SLIT3: variants seen among roughly 807,000 people sequenced by gnomAD.
SLIT3 encodes the protein slit homolog 3 protein.
A neutral mutation model predicts 184.0 loss-of-function variants in SLIT3; 68 were observed. The ratio of observed to expected loss-of-function variants is 0.37; its 90% CI spans 0.30 to 0.45. The LOEUF (loss-of-function observed/expected upper bound fraction) is 0.45, where lower values mean the gene tolerates loss of function less well. SLIT3 is among the 20% of genes least tolerant of loss of function. SLIT3 has a pLI of 1.00. For synonymous variants in SLIT3, 831 were observed against 828.6 expected (o/e 1.00, Z -0.05); for missense variants, 1,707 against 2,026.0 (o/e 0.84, Z 3.02).
rs187386619 is a variant in SLIT3, at chr5:169,212,551, C to T, written c.342-19001G>A. Among the ~76,000 whole-genome samples, 992 of 152,144 alleles carry T rather than the reference C, an allele frequency of 6.5e-3. 5 individuals are homozygous for T. Among genetic ancestry groups the T allele is most frequent in the Middle Eastern group, 0.034 (10 of 294 alleles). On this transcript the variant is annotated intron_variant, in intron 3 of 35. Transcript: ENST00000519560. The stretch of plus-strand genomic sequence containing the variant: ...CAGATGGATATATTGCAAAAATTTT[C>T]TCCCATTCTGTAGGTTGCCTGTTCA...
intron 4 of SLIT3, among the ~76,000 whole-genome samples, chr5:169,091,245 C>T (rs553622736): frequency 6.7e-4 from 102 of 152,222 alleles, no homozygotes; most frequent in African/African-American, 2.4e-3. Context: ...GCAGACTCTA[C>T]ACGGCATATC....
At chr5:168,967,719 C>T (rs1045599479) in intron 4 of SLIT3, among the ~76,000 whole-genome samples, 11 of 152,064 alleles carry the variant, frequency 7.2e-5, no homozygotes, top group Non-Finnish European at 1.3e-4. Context: ...GGATTACAGG[C>T]GTGAGCCACC....
At chr5:168,780,558 T>G (rs1755933715) in intron 12 of SLIT3, among the ~76,000 whole-genome samples, 1 of 152,232 alleles carries the variant, frequency 6.6e-6, no homozygotes, top group Non-Finnish European at 1.5e-5. Flanking sequence ...CTTTGTTATT[T>G]AAAAAAGTGC....
chr5:169,140,411 C>T (rs777583803), intron 4 of SLIT3, among the ~76,000 whole-genome samples: 22 of 121,264 alleles, frequency 1.8e-4, no homozygotes, highest in African/African-American at 4.1e-4. Context: ...ACCTGGGAGG[C>T]GGAGGTTGCA....
intron 1 of SLIT3, among the ~76,000 whole-genome samples, chr5:169,268,919 GAC>G (rs2113627594): frequency 6.6e-6 from 1 of 150,870 alleles, no homozygotes; most frequent in East Asian, 1.9e-4. Context: ...CTATAAGGGG[GAC>G]ACTCTTATTA....
chr5:168,801,489 C>G (rs961193919), intron 9 of SLIT3, among the ~76,000 whole-genome samples: 5 of 152,170 alleles, frequency 3.3e-5, no homozygotes, highest in African/African-American at 9.7e-5. Flanking sequence ...GACACGGAAG[C>G]CTGTCCATAG....
chr5:168,889,126 C>A (rs1307442867), intron 4 of SLIT3, among the ~76,000 whole-genome samples: 1 of 152,302 alleles, frequency 6.6e-6, no homozygotes, highest in Admixed American at 6.5e-5. Flanking sequence ...TTATTTTATA[C>A]AGCAGGAGGG....
At chr5:168,684,899 GCTACACATGAAT>G (rs961267221) in intron 31 of SLIT3, among the ~76,000 whole-genome samples, 49 of 152,088 alleles carry the variant, frequency 3.2e-4, no homozygotes, top group Admixed American at 2.5e-3. Context: ...CCCCAGACTA[GCTACACATGAAT>G]CTCTTGCGGG....
At chr5:168,945,271 T>A (rs6882314) in intron 4 of SLIT3, among the ~76,000 whole-genome samples, 4 of 151,434 alleles carry the variant, frequency 2.6e-5, no homozygotes, top group African/African-American at 9.7e-5. Context: ...AGACAAAGTC[T>A]CACTCTGTTA....
Position 168,666,517 on chromosome 5 carries a change from G to A in SLIT3, c.4509C>T (p.Asp1503=), listed in dbSNP as rs1048307. Residue 1503 remains aspartate (D), a synonymous_variant, in exon 36 of 36, where the codon GAC becomes GAT. Transcript: ENST00000519560. ...CCACCTCTTCTACAAACGAGGAGCC[G>A]TCCGTGCACTGGAAGACGTATTTCC... ...KRRKYVFQCT[D]GSSFVEEVER... The A allele has an allele frequency of 0.2, 315,707 of 1,610,094 alleles. 33,065 individuals carry two copies. The highest frequency in any genetic ancestry group is 0.39 in the East Asian group (17,316 of 44,786).
chr5:168,721,318 G>T (rs1176661313), intron 23 of SLIT3, among the ~76,000 whole-genome samples: 1 of 152,184 alleles, frequency 6.6e-6, no homozygotes, highest in Admixed American at 6.5e-5. Flanking sequence ...TGGTGGTGGG[G>T]TGCCTTCCTG....
intron 5 of SLIT3, among the ~76,000 whole-genome samples, chr5:168,856,766 C>CGTGTGTGT (rs372608852): frequency 0.012 from 1,565 of 132,822 alleles, 24 homozygotes; most frequent in African/African-American, 0.027. Flanking sequence ...CTGAGTTCCT[C>CGTGTGTGT]GTGTGTGTGT....
intron 3 of SLIT3, among the ~76,000 whole-genome samples, chr5:169,236,939 C>T (rs7719642): frequency 0.77 from 116,564 of 152,116 alleles, 44,862 homozygotes; most frequent in African/African-American, 0.82. Flanking sequence ...GCTTTCTCCA[C>T]TGTTTGTTTC....
At chr5:168,957,877 G>A (rs887772009) in intron 4 of SLIT3, among the ~76,000 whole-genome samples, 5 of 152,232 alleles carry the variant, frequency 3.3e-5, no homozygotes, top group African/African-American at 7.2e-5. Flanking sequence ...GTCCCGAGTC[G>A]TTCAACTCAT....
intron 4 of SLIT3, among the ~76,000 whole-genome samples, chr5:168,996,272 C>T (rs1039567889): frequency 1.1e-4 from 17 of 152,126 alleles, no homozygotes; most frequent in African/African-American, 4.1e-4. Context: ...GGCCTCCTCC[C>T]GAGAGACACA....
At chr5:168,740,942 T>C (rs1326469846) in intron 20 of SLIT3, among the ~76,000 whole-genome samples, 1 of 152,190 alleles carries the variant, frequency 6.6e-6, no homozygotes, top group Non-Finnish European at 1.5e-5. Flanking sequence ...AACTGGGTCA[T>C]TCTCTGCAGC....
chr5:168,679,945 C>T (rs1426880328), intron 32 of SLIT3, among the ~76,000 whole-genome samples: 1 of 152,252 alleles, frequency 6.6e-6, no homozygotes, highest in Non-Finnish European at 1.5e-5. Context: ...GAAATCAAGA[C>T]TCAGAGAGCA....
intron 1 of SLIT3, among the ~76,000 whole-genome samples, chr5:169,266,679 T>A (rs576573554): frequency 2.2e-4 from 33 of 152,316 alleles, no homozygotes; most frequent in African/African-American, 7.7e-4. Flanking sequence ...GTTTTGTTAC[T>A]GATATATCTG....
chr5:168,887,334 G>T (rs1296435650), intron 4 of SLIT3, among the ~76,000 whole-genome samples: 1 of 152,124 alleles, frequency 6.6e-6, no homozygotes. Flanking sequence ...TTTGATCCTA[G>T]AGGTCACTCC....
Sources: allele counts gnomAD v4.1 joint callset (sites outside exome capture counted in the v4.1 genomes callset), GRCh38; gene constraint gnomAD v4.1.1; transcripts MANE v1.5; gene names NCBI Gene and HGNC (gene_info 2026-07-23, HGNC 2026-07-21).